Variants in ATP9B observed in about 807,000 individuals in gnomAD.
The protein encoded by ATP9B is ATPase phospholipid transporting 9B.
Under a neutral mutation model 146.1 loss-of-function variants are expected in ATP9B, and 110 were observed. The observed-to-expected ratio is 0.75, with a 90% confidence interval of 0.65 to 0.88. The LOEUF is 0.88. Among genes scored for constraint, ATP9B ranks in the 40% least tolerant of loss-of-function variants. ATP9B has a pLI of 0.00. For missense variants in ATP9B, 1,499 were observed against 1,496.4 expected, an observed-to-expected ratio of 1.00 and a Z score of -0.03; for synonymous variants, 604 against 569.7, an observed-to-expected ratio of 1.06 and a Z score of -0.86.
In ATP9B at chr18:79,258,900, T is replaced by G. The variant is rs73973057; in HGVS notation, c.1268+5359T>G. 7.3e-3 allele frequency among the ~76,000 whole-genome samples: 1,105 copies of G among 152,350 alleles called. 12 individuals carry two copies. Among genetic ancestry groups the G allele is most frequent in the African/African-American group, 0.017 (698 of 41,582 alleles). On this transcript the variant is annotated intron_variant, in intron 12 of 29. Transcript: ENST00000426216. ...ATTTGGGAAATTAAAGTTCACATTT[T>G]ATTAAAGCCAAGTTTGTTTTCCTTT...
chr18:79,176,933 C>G, intron 8 of ATP9B, 26 bp downstream of exon 8: 1 of 1,587,744 alleles, frequency 6.3e-7, no homozygotes. Flanking sequence ...ACTACTCCAT[C>G]CTTTTATCTT....
chr18:79,371,370 TAAAAAAAAAAAAA>T (rs59110010), intron 26 of ATP9B, among the ~76,000 whole-genome samples: 10 of 98,084 alleles, frequency 1.0e-4, no homozygotes, highest in Non-Finnish European at 1.5e-4. Context: ...GACTCCGTCT[TAAAAAAAAAAAAA>T]AAAAAAAAAA....
intron 7 of ATP9B, among the ~76,000 whole-genome samples, chr18:79,168,674 T>G (rs947874647): frequency 3.3e-5 from 5 of 152,202 alleles, no homozygotes; most frequent in African/African-American, 4.8e-5. Flanking sequence ...TTCCCCTTTT[T>G]GGGGGAGAAA....
chr18:79,230,756 C>T (rs1437940837), intron 11 of ATP9B, among the ~76,000 whole-genome samples: 7 of 151,924 alleles, frequency 4.6e-5, no homozygotes, highest in African/African-American at 1.7e-4. Flanking sequence ...AAAGAGCTCG[C>T]ATAGCCAAAG....
chr18:79,143,755 G>T, intron 5 of ATP9B, 47 bp from the exon 6 acceptor site: 1 of 1,198,158 alleles, frequency 8.3e-7, no homozygotes, highest in Non-Finnish European at 1.2e-6. Context: ...TTGAACTTGG[G>T]TGTGCTGTTG....
chr18:79,285,859 A>G (rs900334590), intron 13 of ATP9B, among the ~76,000 whole-genome samples: 3 of 152,002 alleles, frequency 2.0e-5, no homozygotes, highest in East Asian at 1.9e-4. Context: ...TCCCAGCACC[A>G]TTTATTAAAT....
rs542666982 is a variant in ATP9B, at chr18:79,268,256, G to A, written c.1269-8798G>A. ...TTTTTATGTGTCTCTTGTAATTAGC[G>A]TACATCTTGTATTAGCATGCCATCT... On this transcript the variant is annotated intron_variant, in intron 12 of 29. Transcript: ENST00000426216. 9.9e-5 allele frequency among the ~76,000 whole-genome samples: 15 copies of A among 152,006 alleles called. No individual in the cohort carries two copies. In the South Asian group the frequency reaches 1.7e-3, roughly 17 times the overall value.
chr18:79,246,344 CGGAGGGCACCGCCCTACTGACTGA>C (rs1309464224), intron 11 of ATP9B, among the ~76,000 whole-genome samples: 40 of 137,210 alleles, frequency 2.9e-4, no homozygotes, highest in South Asian at 2.6e-3. Flanking sequence ...ACTGACTGTG[CGGAGGGCACCGCCCTACTGACTGA>C]GGAGGGCACC....
chr18:79,192,665 G>A lies in ATP9B; in HGVS notation c.874-518G>A, dbSNP rs76932085. Among the ~76,000 whole-genome samples, 933 of 152,270 alleles carry A rather than the reference G, an allele frequency of 6.1e-3. 4 individuals are homozygous for A. Among genetic ancestry groups the A allele is most frequent in the Non-Finnish European group, 0.01 (702 of 68,030 alleles). On this transcript the variant is annotated intron_variant, in intron 8 of 29. Transcript: ENST00000426216. ...TTCCCATGTGATTGTATAAGTATGT[G>A]TCATGAGCATGTGATTCAGACACAC...
intron 11 of ATP9B, among the ~76,000 whole-genome samples, chr18:79,232,881 C>G (rs183726933): frequency 1.3e-5 from 2 of 152,116 alleles, no homozygotes; most frequent in Non-Finnish European, 1.5e-5. Context: ...GGCCAAGGAG[C>G]GAATCAGTGA....
chr18:79,344,219 C>T, intron 20 of ATP9B, 46 bp from the exon 21 acceptor site: 5 of 1,549,792 alleles, frequency 3.2e-6, no homozygotes, highest in Non-Finnish European at 4.4e-6. Flanking sequence ...GTGCCTGTAA[C>T]TTAGACAACA....
chr18:79,141,923 T>C (rs1382980270), intron 5 of ATP9B, among the ~76,000 whole-genome samples: 1 of 152,236 alleles, frequency 6.6e-6, no homozygotes, highest in African/African-American at 2.4e-5. Flanking sequence ...TCCTCCCCTG[T>C]GTTCTCTGTC....
chr18:79,211,788 C>A (rs1187139130), intron 10 of ATP9B, among the ~76,000 whole-genome samples: 2 of 152,212 alleles, frequency 1.3e-5, no homozygotes, highest in African/African-American at 4.8e-5. Context: ...TGGTTTTAAT[C>A]TACCAACATG....
chr18:79,374,227 C>T (rs2097089867), intron 28 of ATP9B, 126 bp downstream of exon 28: 2 of 1,120,124 alleles, frequency 1.8e-6, no homozygotes, highest in Non-Finnish European at 1.3e-6. Context: ...TCAGAAAGTG[C>T]CTGCTCTTAC....
At chr18:79,317,807 G>A (rs1350635631) in intron 15 of ATP9B, among the ~76,000 whole-genome samples, 2 of 152,204 alleles carry the variant, frequency 1.3e-5, no homozygotes, top group African/African-American at 4.8e-5. Context: ...ATGCACACAG[G>A]GCTCCTTGCA....
chr18:79,308,482 G>A (rs184633373), intron 15 of ATP9B, among the ~76,000 whole-genome samples: 199 of 152,310 alleles, frequency 1.3e-3, no homozygotes, highest in African/African-American at 4.6e-3. Flanking sequence ...AAGGAGCCAC[G>A]TCTATGATGG....
At chr18:79,324,663 C>T (rs2146964387) in intron 15 of ATP9B, among the ~76,000 whole-genome samples, 1 of 151,096 alleles carries the variant, frequency 6.6e-6, no homozygotes. Context: ...TTGCACTGGC[C>T]CTTACATGCA....
chr18:79,271,651 G>A (rs879314603), intron 12 of ATP9B, among the ~76,000 whole-genome samples: 26 of 152,138 alleles, frequency 1.7e-4, no homozygotes, highest in Non-Finnish European at 2.8e-4. Flanking sequence ...ATGGACATTT[G>A]GGTTGGTTCC....
chr18:79,168,477 G>C (rs1157328296), intron 7 of ATP9B, among the ~76,000 whole-genome samples: 3 of 151,422 alleles, frequency 2.0e-5, no homozygotes, highest in Non-Finnish European at 4.4e-5. Context: ...ATGTGTTCTT[G>C]TATAATGGGT....
Sources: gnomAD v4.1 joint callset for allele counts (sites outside exome capture counted in the v4.1 genomes callset) on GRCh38, gnomAD v4.1.1 for gene constraint, MANE v1.5 for transcripts, NCBI Gene and HGNC (gene_info 2026-07-23, HGNC 2026-07-21) for gene names.